DSEL: variants seen among roughly 807,000 people sequenced by gnomAD.
DSEL encodes dermatan sulfate epimerase like.
A neutral mutation model predicts 96.6 loss-of-function variants in DSEL; 61 were observed. The observed-to-expected ratio is 0.63, with a 90% CI of 0.51 to 0.78. The LOEUF is 0.78. Ranked by LOEUF, DSEL falls within the 30% of genes least tolerant of loss-of-function variation. The pLI, the probability that DSEL is intolerant of heterozygous loss-of-function variation, is 0.00. For synonymous variants in DSEL, 514 were observed against 502.0 expected (o/e 1.02, Z -0.32); for missense variants, 1,320 against 1,430.8 (o/e 0.92, Z 1.25).
chr18:67,513,619 T>C lies in DSEL; in HGVS notation c.990A>G (p.Ala330=). ...CATAAAACCAATTATAATTGGAATCTGCTATACCCACAGTTCTTTGGAAGC... is the reference window on the plus strand; with the variant it reads ...CATAAAACCAATTATAATTGGAATCCGCTATACCCACAGTTCTTTGGAAGC... ...LPGFQRTVGI[A]DSNYNWFYGP... The change falls in exon 2 of 2, where the codon GCA becomes GCG. Residue 330 remains alanine, a synonymous_variant. Coordinates refer to ENST00000310045, the MANE Select transcript of DSEL (RefSeq NM_032160.3). 1.2e-6 allele frequency: 2 copies of C among 1,614,208 alleles called. No homozygotes were observed. The highest frequency in any genetic ancestry group is 1.7e-6 in the Non-Finnish European group (2 of 1,180,036).
In DSEL at chr18:67,512,260, G is replaced by A. The variant is rs1328094746; in HGVS notation, c.2349C>T (p.Ser783=). Residue 783 remains serine, a synonymous_variant, in exon 2 of 2, where the codon AGC becomes AGT. Coordinates refer to ENST00000310045, the MANE Select transcript of DSEL (RefSeq NM_032160.3). Reference sequence around the variant, plus strand: ...GCCATTGGAAAGTTAAAATCACCAAGCTAATGCACAAAATTAATCCAACTG... The same window carrying A: ...GCCATTGGAAAGTTAAAATCACCAAACTAATGCACAAAATTAATCCAACTG... ...NIAVGLILCI[S]LVILTFQWRF... 6.2e-7 allele frequency: 1 copy of A among 1,614,022 alleles called. No homozygotes were observed. Among genetic ancestry groups the A allele is most frequent in the Admixed American group, 1.7e-5 (1 of 60,010 alleles).
At position 67,512,420 on chromosome 18, in the gene DSEL, T is replaced by C. The variant is rs12953840; in HGVS notation, c.2189A>G (p.Tyr730Cys). 6,266 of 1,614,182 alleles carry C rather than the reference T, an allele frequency of 3.9e-3. 14 individuals are homozygous for C. Among genetic ancestry groups the C allele is most frequent in the Non-Finnish European group, 4.5e-3 (5,265 of 1,180,022 alleles). Reference protein sequence around the residue: ...DYHNLKTRFNYLGFGGFASVA... With the variant: ...DYHNLKTRFNCLGFGGFASVA... ...ACTGGCAAAGCCACCGAATCCCAGATAATTGAATCTTGTCTTCAGGTTATG... is the reference window on the plus strand; with the variant it reads ...ACTGGCAAAGCCACCGAATCCCAGACAATTGAATCTTGTCTTCAGGTTATG... The change falls in exon 2 of 2, where the codon TAT (tyrosine) becomes TGT (cysteine). Residue 730 changes from tyrosine to cysteine, a missense_variant. Around this residue, in one of 3 missense-constraint regions of DSEL, gnomAD observed 986 missense variants for 1,066.4 expected, o/e 0.92. Coordinates refer to ENST00000310045, the MANE Select transcript of DSEL (RefSeq NM_032160.3).
Position 67,514,071 on chromosome 18 carries a change from C to T in DSEL, c.538G>A (p.Ala180Thr). The stretch of plus-strand genomic sequence containing the variant: ...AATAAGTTATATAAAAAGTCAAAGG[C>T]AGTGGCAAAACCTGTTAAGGAATGG... ...IGHSLTGFAT[A>T]FDFLYNLLDN... Residue 180 changes from alanine to threonine, a missense_variant, in exon 2 of 2, where the codon GCC becomes ACC. Coordinates refer to ENST00000310045, the MANE Select transcript of DSEL (RefSeq NM_032160.3). 4 of 1,614,114 alleles carry T rather than the reference C, an allele frequency of 2.5e-6. No individual in the cohort carries two copies. The South Asian group carries it at 4.4e-5, about 18-fold the overall frequency.
At position 67,512,533 on chromosome 18, in the gene DSEL, G is replaced by A. The variant is rs2144051232; in HGVS notation, c.2076C>T (p.Cys692=). The A allele has an allele frequency of 1.9e-6, 3 of 1,614,068 alleles. No homozygotes were observed. Among genetic ancestry groups the A allele is most frequent in the Middle Eastern group, 1.6e-4 (1 of 6,062 alleles). Reference sequence around the variant, plus strand: ...CAGGATTGGAACTATCAATAAATCTGCAGCTGGAGACATTGATATATGGCC... The same window carrying A: ...CAGGATTGGAACTATCAATAAATCTACAGCTGGAGACATTGATATATGGCC... The part of the protein sequence containing the change: ...FYGPYINVSS[C]RFIDSSNPGL... Residue 692 remains cysteine, a synonymous_variant, in exon 2 of 2, where the codon TGC becomes TGT. Transcript: ENST00000310045.
chr18:67,515,935 G>A (rs902300750), intron 1 of DSEL, among the ~76,000 whole-genome samples: 9 of 147,306 alleles, frequency 6.1e-5, no homozygotes, highest in African/African-American at 2.0e-4. Flanking sequence ...TCCGGGGGAA[G>A]GTTTAGAGTT....
rs2089465275 is a variant in DSEL at position 67,514,598 on chromosome 18, A to G, written c.11T>C (p.Met4Thr). 1 of 1,613,960 alleles carries G rather than the reference A, an allele frequency of 6.2e-7. No individual in the cohort carries two copies. The highest frequency in any genetic ancestry group is 1.7e-5 in the Admixed American group (1 of 60,002). ...TAAGAATAGTAAATGTCCTGTAAAC[A>G]TTAACGCCATGATCCATGGGGGAGC... MAL[M>T]FTGHLLFLAL... is the part of the protein sequence containing the mutation. Residue 4 changes from methionine (M) to threonine (T), a missense_variant, in exon 2 of 2, where the codon ATG (methionine) becomes ACG (threonine). Around this residue, in one of 3 missense-constraint regions of DSEL, gnomAD observed 323 missense variants for 333.1 expected, o/e 0.97. Coordinates refer to ENST00000310045, the MANE Select transcript of DSEL (RefSeq NM_032160.3).
chr18:67,512,386 A>G lies in DSEL; in HGVS notation c.2223T>C (p.Asp741=), dbSNP rs2089448706. The change falls in exon 2 of 2, where the codon GAT becomes GAC. Residue 741 remains aspartate (D), a synonymous_variant. Coordinates refer to ENST00000310045, the MANE Select transcript of DSEL (RefSeq NM_032160.3). ...AACCAAATCGGGTTATTTGGCCTTGATCAGCCACACTGGCAAAGCCACCGA... is the reference window on the plus strand; with the variant it reads ...AACCAAATCGGGTTATTTGGCCTTGGTCAGCCACACTGGCAAAGCCACCGA... ...LGFGGFASVA[D]QGQITRFGLG... The G allele has an allele frequency of 1.2e-6, 2 of 1,614,198 alleles. No homozygotes were observed. The highest frequency in any genetic ancestry group is 1.7e-6 in the Non-Finnish European group (2 of 1,180,024).
rs1266104620 is a variant in DSEL at position 67,513,604 on chromosome 18, A to G, written c.1005T>C (p.Asn335=). ...RTVGIADSNY[N]WFYGPESQLV... Reference sequence around the variant, plus strand: ...GCTGGCTTTCTGGACCATAAAACCAATTATAATTGGAATCTGCTATACCCA... The same window carrying G: ...GCTGGCTTTCTGGACCATAAAACCAGTTATAATTGGAATCTGCTATACCCA... Residue 335 remains asparagine (N), a synonymous_variant, in exon 2 of 2, where the codon AAT becomes AAC. Coordinates refer to ENST00000310045, the MANE Select transcript of DSEL (RefSeq NM_032160.3). The G allele has an allele frequency of 1.2e-6, 2 of 1,614,166 alleles. No individual in the cohort carries two copies. The highest frequency in any genetic ancestry group is 8.5e-7 in the Non-Finnish European group (1 of 1,180,020).
In DSEL at chr18:67,514,303, T is replaced by G. The variant is rs150643868; in HGVS notation, c.306A>C (p.Thr102=). 2 of 1,614,124 alleles carry G rather than the reference T, an allele frequency of 1.2e-6. No homozygotes were observed. The highest frequency in any genetic ancestry group is 2.7e-5 in the African/African-American group (2 of 74,948). Residue 102 remains threonine, a synonymous_variant, in exon 2 of 2, where the codon ACA becomes ACC. Coordinates refer to ENST00000310045, the MANE Select transcript of DSEL (RefSeq NM_032160.3). ...CATGCTTTGGTGGAGGTAGGTAGTA[T>G]GTTGGGTTGGACAGCATAACTGTCA... ...SAVTVMLSNP[T]YYLPPPKHAD...
rs1342918908 is a variant in DSEL, at chr18:67,514,592, G to A, written c.17C>T (p.Thr6Ile). The stretch of plus-strand genomic sequence containing the variant: ...TAATGCTAAGAATAGTAAATGTCCT[G>A]TAAACATTAACGCCATGATCCATGG... MALMF[T>I]GHLLFLALLM... The change falls in exon 2 of 2, where the codon ACA (threonine) becomes ATA (isoleucine). Residue 6 changes from threonine to isoleucine, a missense_variant. By Grantham distance (89) the Thr-to-Ile change is moderately conservative. This residue lies in a region of DSEL where 323 missense variants were observed against 333.1 expected (regional missense o/e 0.97). Coordinates refer to ENST00000310045, the MANE Select transcript of DSEL (RefSeq NM_032160.3). 6.2e-7 allele frequency: 1 copy of A among 1,614,060 alleles called. No homozygotes were observed. The highest frequency in any genetic ancestry group is 8.5e-7 in the Non-Finnish European group (1 of 1,179,982).
chr18:67,514,037 T>C lies in DSEL; in HGVS notation c.572A>G (p.His191Arg). 2 of 1,614,168 alleles carry C rather than the reference T, an allele frequency of 1.2e-6. No individual in the cohort carries two copies. Among genetic ancestry groups the C allele is most frequent in the South Asian group, 1.1e-5 (1 of 91,082 alleles). Reference sequence around the variant, plus strand: ...TTTTTCCAGGTATTTTTGTCTTCGATGATTATCTAATAAGTTATATAAAAA... The same window carrying C: ...TTTTTCCAGGTATTTTTGTCTTCGACGATTATCTAATAAGTTATATAAAAA... ...FDFLYNLLDNHRRQKYLEKIW... is the reference protein window; with the variant it reads ...FDFLYNLLDNRRRQKYLEKIW... Residue 191 changes from histidine (H) to arginine (R), a missense_variant, in exon 2 of 2, where the codon CAT (histidine) becomes CGT (arginine). Around this residue, in one of 3 missense-constraint regions of DSEL, gnomAD observed 323 missense variants for 333.1 expected, o/e 0.97. Transcript: ENST00000310045.
rs2089430579 is a variant in DSEL, at chr18:67,509,682, A to G, written c.*1288T>C. ...GGGAACCACAGTTTGAAACATCAGG[A>G]AGAAGACTGCAATCTGTACAGAGAT... is the stretch of plus-strand genomic sequence containing the variant. On this transcript the variant is annotated 3_prime_UTR_variant, in exon 2 of 2. Coordinates refer to ENST00000310045, the MANE Select transcript of DSEL (RefSeq NM_032160.3). 2 of 152,392 alleles carry G rather than the reference A, an allele frequency of 1.3e-5. No homozygotes were observed. Among genetic ancestry groups the G allele is most frequent in the South Asian group, 4.1e-4 (2 of 4,832 alleles). 9.4% of individuals were successfully genotyped at this position (152,392 alleles called of 1,614,324 possible). A position where few individuals can be genotyped will look rare whatever the true frequency, so the allele number is the denominator to read the frequency against.
chr18:67,512,646 C>A lies in DSEL; in HGVS notation c.1963G>T (p.Ala655Ser). ...MASIQEAEQA[A>S]EFKKRWTQFV... Reference sequence around the variant, plus strand: ...TGAGTCCATCGTTTTTTAAATTCAGCAGCTTGCTCTGCTTCCTGTATACTG... The same window carrying A: ...TGAGTCCATCGTTTTTTAAATTCAGAAGCTTGCTCTGCTTCCTGTATACTG... The change falls in exon 2 of 2, where the codon GCT becomes TCT. Residue 655 changes from alanine (A) to serine (S), a missense_variant. By Grantham distance (99) the Ala-to-Ser change is moderately conservative. Transcript: ENST00000310045. 1 of 1,614,108 alleles carries A rather than the reference C, an allele frequency of 6.2e-7. No individual in the cohort carries two copies. The highest frequency in any genetic ancestry group is 8.5e-7 in the Non-Finnish European group (1 of 1,180,018).
rs1248349438 is a variant in DSEL, at chr18:67,513,073, A to G, written c.1536T>C (p.Asn512=). The G allele has an allele frequency of 1.2e-6, 2 of 1,614,056 alleles. No homozygotes were observed. Among genetic ancestry groups the G allele is most frequent in the African/African-American group, 2.7e-5 (2 of 74,914 alleles). Residue 512 remains asparagine (N), a synonymous_variant, in exon 2 of 2, where the codon AAT becomes AAC. Coordinates refer to ENST00000310045, the MANE Select transcript of DSEL (RefSeq NM_032160.3). The part of the protein sequence containing the change: ...VFAPSPSSQC[N]KPWEGQLGEC... Reference sequence around the variant, plus strand: ...CTCCCAGTTGACCTTCCCAGGGCTTATTACACTGGCTTGAGGGTGATGGAG... The same window carrying G: ...CTCCCAGTTGACCTTCCCAGGGCTTGTTACACTGGCTTGAGGGTGATGGAG...
chr18:67,514,047 A>G lies in DSEL; in HGVS notation c.562T>C (p.Leu188=), dbSNP rs778752159. Residue 188 remains leucine, a synonymous_variant, in exon 2 of 2, where the codon TTA becomes CTA. Coordinates refer to ENST00000310045, the MANE Select transcript of DSEL (RefSeq NM_032160.3). ...TATTTTTGTCTTCGATGATTATCTA[A>G]TAAGTTATATAAAAAGTCAAAGGCA... ...ATAFDFLYNL[L]DNHRRQKYLE... The G allele has an allele frequency of 1.2e-6, 2 of 1,614,004 alleles. No homozygotes were observed. The highest frequency in any genetic ancestry group is 1.3e-5 in the African/African-American group (1 of 74,916).
rs931318727 is a variant in DSEL at position 67,508,173 on chromosome 18, G to C, written c.*2797C>G. The C allele has an allele frequency of 2.6e-5, 4 of 152,126 alleles. No individual in the cohort carries two copies. Among genetic ancestry groups the C allele is most frequent in the Admixed American group, 2.6e-4 (4 of 15,272 alleles). 9.4% of individuals were successfully genotyped at this position (152,126 alleles called of 1,614,324 possible). On this transcript the variant is annotated 3_prime_UTR_variant, in exon 2 of 2. Coordinates refer to ENST00000310045, the MANE Select transcript of DSEL (RefSeq NM_032160.3). Reference sequence around the variant, plus strand: ...GTAAGTGTTTCTTTCAGAAGTATCAGATAGTGATAATCCCTCTTTTAATTA... The same window carrying C: ...GTAAGTGTTTCTTTCAGAAGTATCACATAGTGATAATCCCTCTTTTAATTA...
rs1568245122 is a variant in DSEL at position 67,512,631 on chromosome 18, G to GT, written c.1977dup (p.Arg660ThrfsTer7). On this transcript the variant is annotated frameshift_variant, in exon 2 of 2. Transcript: ENST00000310045. LOFTEE classifies it high-confidence loss of function. ...GTAACATTAACAAATTGAGTCCATC[G>GT]TTTTTTAAATTCAGCAGCTTGCTCT... 5.0e-6 allele frequency: 8 copies of GT among 1,614,046 alleles called. No homozygotes were observed. The highest frequency in any genetic ancestry group is 6.8e-6 in the Non-Finnish European group (8 of 1,180,016).
rs1283610814 is a variant in DSEL, at chr18:67,516,005, G to A, written c.-885+356C>T. ...ACTCGGACCAGTCACTTTTCTCGGCGGGGTAACCGCGAATCGTGACCAGGC... is the reference window on the plus strand; with the variant it reads ...ACTCGGACCAGTCACTTTTCTCGGCAGGGTAACCGCGAATCGTGACCAGGC... On this transcript the variant is annotated intron_variant, in intron 1 of 1. Coordinates refer to ENST00000310045, the MANE Select transcript of DSEL (RefSeq NM_032160.3). The surrounding 1 kb of genome is among the most constrained non-coding windows in gnomAD (Gnocchi z 5.6). 6.6e-6 allele frequency among the ~76,000 whole-genome samples: 1 copy of A among 151,924 alleles called. No individual in the cohort carries two copies. The highest frequency in any genetic ancestry group is 2.4e-5 in the African/African-American group (1 of 41,330).
At position 67,514,101 on chromosome 18, in the gene DSEL, T is replaced by C. The variant is rs200813440; in HGVS notation, c.508A>G (p.Ile170Val). 2.0e-5 allele frequency: 33 copies of C among 1,614,102 alleles called. No homozygotes were observed. In the Admixed American group the frequency reaches 3.3e-4, roughly 16 times the overall value. Reference protein sequence around the residue: ...VENAPGDEVPIGHSLTGFATA... With the variant: ...VENAPGDEVPVGHSLTGFATA... ...GCAAAACCTGTTAAGGAATGGCCAA[T>C]TGGAACCTCATCTCCTGGTGCATTC... Residue 170 changes from isoleucine to valine, a missense_variant, in exon 2 of 2, where the codon ATT becomes GTT. Around this residue, in one of 3 missense-constraint regions of DSEL, gnomAD observed 323 missense variants for 333.1 expected, o/e 0.97. Coordinates refer to ENST00000310045, the MANE Select transcript of DSEL (RefSeq NM_032160.3).
Sources: allele counts gnomAD v4.1 joint callset (sites outside exome capture counted in the v4.1 genomes callset), GRCh38; gene constraint gnomAD v4.1.1; regional missense constraint gnomAD v4.1.1; non-coding constraint Gnocchi (gnomAD v3.1); transcripts MANE v1.5; gene names NCBI Gene and HGNC (gene_info 2026-07-23, HGNC 2026-07-21).